SPATA13: variants seen among roughly 807,000 people sequenced by gnomAD.
SPATA13 encodes spermatogenesis-associated protein 13.
SPATA13 carries 50 observed loss-of-function variants against 104.0 expected under a neutral mutation model. That is an observed-to-expected ratio of 0.48 (90% confidence interval 0.38 to 0.61). The LOEUF (loss-of-function observed/expected upper bound fraction) is 0.61, where lower values mean the gene tolerates loss of function less well. SPATA13 is among the 20% of genes least tolerant of loss of function. The pLI, the probability that SPATA13 is intolerant of heterozygous loss-of-function variation, is 0.00. For missense variants in SPATA13, 1,524 were observed against 1,690.6 expected, an observed-to-expected ratio of 0.90 and a Z score of 1.73; for synonymous variants, 606 against 667.5, an observed-to-expected ratio of 0.91 and a Z score of 1.42.
At chr13:24,138,848 T>A (rs920844517) in intron 3 of SPATA13, among the ~76,000 whole-genome samples, 5 of 150,172 alleles carry the variant, frequency 3.3e-5, no homozygotes, top group African/African-American at 9.8e-5. Flanking sequence ...TGCCTTGGCC[T>A]CCCAAAGTGC....
rs776726512 is a variant in SPATA13 at position 24,107,064 on chromosome 13, A to AG, written c.-112+89363_-112+89364insG. Among the ~76,000 whole-genome samples the AG allele has an allele frequency of 3.3e-5, 5 of 151,990 alleles. No homozygotes were observed. The East Asian group carries it at 5.8e-4, about 18-fold the overall frequency. ...AAGATGATAAGGACGGGGAAAAAAA[A>AG]AAGGAAGAAATTTATGCTTGCCAGA... On this transcript the variant is annotated intron_variant, in intron 3 of 14. Transcript: ENST00000424834.
At chr13:24,157,408 T>C (rs9511092), upstream of SPATA13, among the ~76,000 whole-genome samples, 69,408 of 151,594 alleles carry the variant, frequency 0.46, 17,098 homozygotes, top group Admixed American at 0.58. Context: ...ACGCCATTCT[T>C]CTGCCTTAGC....
intron 3 of SPATA13, among the ~76,000 whole-genome samples, chr13:24,046,470 G>A (rs1878149011): frequency 6.9e-6 from 1 of 144,578 alleles, no homozygotes; most frequent in South Asian, 2.1e-4. Flanking sequence ...TTTATTGTAG[G>A]GATGGAGTCT....
At chr13:24,082,589 G>A (rs1397652310) in intron 3 of SPATA13, among the ~76,000 whole-genome samples, 1 of 151,912 alleles carries the variant, frequency 6.6e-6, no homozygotes, top group Non-Finnish European at 1.5e-5. Context: ...GGGAGGCCGA[G>A]GCGGGTGGAT....
At chr13:24,173,362 T>TTGTG (rs60850610) in intron 1 of SPATA13, among the ~76,000 whole-genome samples, 2,186 of 146,798 alleles carry the variant, frequency 0.015, 53 homozygotes, top group African/African-American at 0.05. Flanking sequence ...TAGTTCTTAG[T>TTGTG]TGTGTGTGTG....
rs185085804 is a variant in SPATA13, at chr13:24,055,541, T to C, written c.-112+37840T>C. Among the ~76,000 whole-genome samples, 865 of 152,322 alleles carry C rather than the reference T, an allele frequency of 5.7e-3. 2 individuals are homozygous for C. Among genetic ancestry groups the C allele is most frequent in the Non-Finnish European group, 8.7e-3 (589 of 68,024 alleles). ...GCACCTTTAGTAACCATGCATTCAC[T>C]GAGAAACCATGTTTTGTGTGTTGCT... On this transcript the variant is annotated intron_variant, in intron 3 of 14. Coordinates refer to the SPATA13 transcript ENST00000424834.
At chr13:24,263,721 G>A (rs1232234543) in intron 4 of SPATA13, among the ~76,000 whole-genome samples, 1 of 152,214 alleles carries the variant, frequency 6.6e-6, no homozygotes, top group Non-Finnish European at 1.5e-5. Flanking sequence ...TTTTTTAAAT[G>A]TTTTCAATCT....
intron 3 of SPATA13, among the ~76,000 whole-genome samples, chr13:24,096,560 C>G (rs561643073): frequency 8.5e-5 from 13 of 152,256 alleles, no homozygotes; most frequent in African/African-American, 2.4e-4. Flanking sequence ...GATCGCACCA[C>G]AGCCTGGGCA....
At chr13:24,237,902 A>ATGTTTAAATATGCAATATATAAACATACG in intron 2 of SPATA13, among the ~76,000 whole-genome samples, 2 of 143,618 alleles carry the variant, frequency 1.4e-5, no homozygotes, top group Non-Finnish European at 3.1e-5. Flanking sequence ...ATAAACATAC[A>ATGTTTAAATATGCAATATATAAACATACG]TGTTTAAATA....
At chr13:24,066,908 GCAAAC>G (rs1384583774) in intron 3 of SPATA13, among the ~76,000 whole-genome samples, 1 of 152,158 alleles carries the variant, frequency 6.6e-6, no homozygotes, top group Non-Finnish European at 1.5e-5. Context: ...CTAGGGAGGG[GCAAAC>G]CAAACCAAGC....
intron 1 of SPATA13, among the ~76,000 whole-genome samples, chr13:24,170,010 T>C (rs375612710): frequency 9.3e-4 from 142 of 152,376 alleles, no homozygotes; most frequent in African/African-American, 3.3e-3. Flanking sequence ...ACAAAGTTCT[T>C]ATCCCTAGAG....
chr13:24,168,036 G>A (rs1453812179), intron 1 of SPATA13, among the ~76,000 whole-genome samples: 6 of 152,054 alleles, frequency 3.9e-5, no homozygotes, highest in African/African-American at 1.2e-4. Context: ...TCTTGATGAC[G>A]TAATTATTCA....
chr13:24,204,971 A>G (rs1397832429), intron 1 of SPATA13, among the ~76,000 whole-genome samples: 1 of 152,220 alleles, frequency 6.6e-6, no homozygotes, highest in African/African-American at 2.4e-5. Flanking sequence ...TGACAAACCC[A>G]CAGCCAATAT....
intron 2 of SPATA13, among the ~76,000 whole-genome samples, chr13:23,992,175 C>A (rs1875445626): frequency 6.6e-6 from 1 of 152,178 alleles, no homozygotes; most frequent in Admixed American, 6.5e-5. Context: ...AAGTGGAGAA[C>A]TGCAGTCCAA....
intron 8 of SPATA13, among the ~76,000 whole-genome samples, chr13:24,290,352 C>G (rs138405816): frequency 2.6e-5 from 4 of 152,288 alleles, no homozygotes; most frequent in African/African-American, 9.6e-5. Context: ...CTGCTCCCCA[C>G]CTTCCAGGAT....
At chr13:24,050,182 T>G (rs1468677146) in intron 3 of SPATA13, among the ~76,000 whole-genome samples, 1 of 152,098 alleles carries the variant, frequency 6.6e-6, no homozygotes, top group Admixed American at 6.5e-5. Flanking sequence ...TCAGATTCTT[T>G]CTGAACCATC....
intron 1 of SPATA13, among the ~76,000 whole-genome samples, chr13:24,165,432 G>A (rs1201791707): frequency 6.6e-6 from 1 of 152,098 alleles, no homozygotes; most frequent in East Asian, 1.9e-4. Context: ...CTTAACACTG[G>A]CAAGCTCTCC....
intron 2 of SPATA13, among the ~76,000 whole-genome samples, chr13:24,001,776 C>G (rs1278549364): frequency 6.6e-6 from 1 of 151,818 alleles, no homozygotes; most frequent in Non-Finnish European, 1.5e-5. Flanking sequence ...AAAGAGTCAG[C>G]ACTGGGTGGG....
chr13:24,257,035 C>G (rs1444084243), intron 4 of SPATA13, among the ~76,000 whole-genome samples: 1 of 152,232 alleles, frequency 6.6e-6, no homozygotes, highest in Non-Finnish European at 1.5e-5. Context: ...TCACAGCCTA[C>G]CTAAGCTCCT....
Sources: gnomAD v4.1 joint callset for allele counts (sites outside exome capture counted in the v4.1 genomes callset) on GRCh38, gnomAD v4.1.1 for gene constraint, MANE v1.5 for transcripts, NCBI Gene and HGNC (gene_info 2026-07-23, HGNC 2026-07-21) for gene names.